DLGAP1: variants seen among roughly 807,000 people sequenced by gnomAD.
DLGAP1 encodes the protein disks large-associated protein 1.
In DLGAP1, 11 loss-of-function variants were observed where a neutral mutation model predicts 90.8. The observed-to-expected ratio is 0.12, with a 90% CI of 0.08 to 0.20. The LOEUF (loss-of-function observed/expected upper bound fraction) is 0.20. Among genes scored for constraint, DLGAP1 ranks in the 10% least tolerant of loss-of-function variants. The pLI, the probability that DLGAP1 is intolerant of heterozygous loss-of-function variation, is 1.00. For missense variants in DLGAP1, 1,050 were observed against 1,333.8 expected (o/e 0.79, Z 3.31); for synonymous variants, 558 against 540.7 (o/e 1.03, Z -0.44).
chr18:4,265,134 T>C lies in DLGAP1; in HGVS notation c.-266-113847A>G, dbSNP rs151302352. 3.8e-3 allele frequency among the ~76,000 whole-genome samples: 539 copies of C among 140,118 alleles called. 6 individuals are homozygous for C. The East Asian group carries it at 0.04, about 10-fold the overall frequency. The allele number at this position is 140,118 out of a possible 152,430, so 91.9% of individuals were successfully genotyped here. ...TCCTTCCTTCCTTCCTTCCTTCCTT[T>C]CCTCCCTCCCTCCCATCCTCTCTTC... On this transcript the variant is annotated intron_variant, in intron 1 of 12. Coordinates refer to ENST00000315677, the MANE Select transcript of DLGAP1 (RefSeq NM_004746.4).
At chr18:4,389,279 G>A (rs1293775875) in intron 1 of DLGAP1, among the ~76,000 whole-genome samples, 1 of 152,168 alleles carries the variant, frequency 6.6e-6, no homozygotes, top group Non-Finnish European at 1.5e-5. Context: ...AATACTTTAT[G>A]ATTCTACTTA....
At chr18:3,703,030 C>T (rs2147141053) in intron 7 of DLGAP1, among the ~76,000 whole-genome samples, 1 of 152,290 alleles carries the variant, frequency 6.6e-6, no homozygotes, top group Non-Finnish European at 1.5e-5. Context: ...AAGGCAGGAT[C>T]AGCCCAGAGC....
At chr18:3,692,885 G>A (rs2060947624) in intron 7 of DLGAP1, among the ~76,000 whole-genome samples, 1 of 152,174 alleles carries the variant, frequency 6.6e-6, no homozygotes, top group Non-Finnish European at 1.5e-5. Context: ...ACACAGAGCT[G>A]GGACCTAGGT....
At chr18:4,359,284 C>A (rs2081584829) in intron 1 of DLGAP1, among the ~76,000 whole-genome samples, 1 of 152,124 alleles carries the variant, frequency 6.6e-6, no homozygotes, top group Admixed American at 6.6e-5. Flanking sequence ...TTCATAAAAC[C>A]TAGAAATAAT....
intron 1 of DLGAP1, among the ~76,000 whole-genome samples, chr18:4,384,912 C>A (rs2082199501): frequency 6.6e-6 from 1 of 152,094 alleles, no homozygotes; most frequent in Non-Finnish European, 1.5e-5. Context: ...TACATCTTTG[C>A]TTTCAAAGTT....
At chr18:3,876,022 G>C (rs2070993028) in intron 4 of DLGAP1, among the ~76,000 whole-genome samples, 1 of 128,154 alleles carries the variant, frequency 7.8e-6, no homozygotes, top group Non-Finnish European at 1.6e-5. Flanking sequence ...AGGCAATAGA[G>C]CTGAAAAAAA....
At chr18:4,339,844 G>A (rs1322127042) in intron 1 of DLGAP1, among the ~76,000 whole-genome samples, 1 of 152,170 alleles carries the variant, frequency 6.6e-6, no homozygotes, top group African/African-American at 2.4e-5. Context: ...AAAAGTGAAA[G>A]AAGATATGCT....
intron 1 of DLGAP1, among the ~76,000 whole-genome samples, chr18:4,276,857 G>GT: frequency 6.6e-6 from 1 of 152,246 alleles, no homozygotes. Context: ...GACTAGAGTT[G>GT]TATCAGTAAG....
chr18:4,421,002 C>T (rs2083017348), intron 1 of DLGAP1, among the ~76,000 whole-genome samples: 1 of 152,152 alleles, frequency 6.6e-6, no homozygotes. Flanking sequence ...TCCCTTGAAA[C>T]TATTATTAGT....
chr18:4,001,068 T>C (rs1162046736), intron 3 of DLGAP1, among the ~76,000 whole-genome samples: 1 of 152,130 alleles, frequency 6.6e-6, no homozygotes, highest in Non-Finnish European at 1.5e-5. Context: ...CTATTTTCTA[T>C]GCCATTTTCA....
In DLGAP1 at chr18:3,626,290, CA is replaced by C. The variant is rs1413261724; in HGVS notation, c.1592-44043del. On this transcript the variant is annotated intron_variant, in intron 7 of 12. Coordinates refer to ENST00000315677, the MANE Select transcript of DLGAP1 (RefSeq NM_004746.4). ...TGGGCTACAGAGTGAGACCCAGTCT[CA>C]AAAAAGAAAAAAAAAAAAAAGATCA... 8.1e-5 allele frequency among the ~76,000 whole-genome samples: 9 copies of C among 111,316 alleles called. No homozygotes were observed. The South Asian group carries it at 1.5e-3, about 18-fold the overall frequency. The allele number at this position is 111,316 out of a possible 152,430, so 73.0% of individuals were successfully genotyped here. A position where few individuals can be genotyped will look rare whatever the true frequency, so the allele number is the denominator to read the frequency against.
chr18:3,701,559 G>C (rs369468375), intron 7 of DLGAP1, among the ~76,000 whole-genome samples: 10 of 152,364 alleles, frequency 6.6e-5, no homozygotes, highest in East Asian at 1.9e-4. Flanking sequence ...TGAGGAATCT[G>C]AGAGATTAGA....
chr18:4,415,394 T>C (rs2082876969), intron 1 of DLGAP1, among the ~76,000 whole-genome samples: 1 of 152,190 alleles, frequency 6.6e-6, no homozygotes, highest in African/African-American at 2.4e-5. Context: ...GTGTTTGTAA[T>C]ATTAAAATTT....
chr18:4,276,212 G>C (rs2079410607), intron 1 of DLGAP1, among the ~76,000 whole-genome samples: 1 of 150,844 alleles, frequency 6.6e-6, no homozygotes, highest in African/African-American at 2.4e-5. Flanking sequence ...ACAGGGGGAG[G>C]CATAAGAAAT....
At position 4,450,718 on chromosome 18, in the gene DLGAP1, A is replaced by T. The variant is rs145461680; in HGVS notation, c.-267+4288T>A. Reference sequence around the variant, plus strand: ...TGTGCTGTTGCTTACAAATCTGATAAGAAAACATTGAGAGAAGACAGAGAA... The same window carrying T: ...TGTGCTGTTGCTTACAAATCTGATATGAAAACATTGAGAGAAGACAGAGAA... On this transcript the variant is annotated intron_variant, in intron 1 of 12. Coordinates refer to ENST00000315677, the MANE Select transcript of DLGAP1 (RefSeq NM_004746.4). Among the ~76,000 whole-genome samples the T allele has an allele frequency of 4.4e-3, 677 of 152,374 alleles. 3 individuals are homozygous for T. The highest frequency in any genetic ancestry group is 0.015 in the African/African-American group (640 of 41,596).
intron 1 of DLGAP1, among the ~76,000 whole-genome samples, chr18:4,335,008 T>C (rs1434770551): frequency 2.0e-5 from 3 of 151,912 alleles, no homozygotes; most frequent in African/African-American, 2.4e-5. Context: ...TTTCATGCAA[T>C]AGCTGTGTTG....
intron 1 of DLGAP1, among the ~76,000 whole-genome samples, chr18:4,407,450 T>C (rs2082686034): frequency 6.6e-6 from 1 of 152,222 alleles, no homozygotes; most frequent in South Asian, 2.1e-4. Flanking sequence ...TGATCCTCAT[T>C]ACTGACTCCA....
At chr18:3,889,171 T>C (rs2071398425) in intron 3 of DLGAP1, among the ~76,000 whole-genome samples, 1 of 151,928 alleles carries the variant, frequency 6.6e-6, no homozygotes. Flanking sequence ...AAAGAAGAAA[T>C]GATGACAGAA....
intron 1 of DLGAP1, among the ~76,000 whole-genome samples, chr18:4,427,900 T>C (rs1280755616): frequency 6.6e-6 from 1 of 152,212 alleles, no homozygotes; most frequent in Non-Finnish European, 1.5e-5. Flanking sequence ...CAATGCTCAC[T>C]GTGTTATTGC....
Sources: allele counts gnomAD v4.1 joint callset (sites outside exome capture counted in the v4.1 genomes callset), GRCh38; gene constraint gnomAD v4.1.1; transcripts MANE v1.5; gene names NCBI Gene and HGNC (gene_info 2026-07-23, HGNC 2026-07-21).